CASQ2: variants seen among roughly 807,000 people sequenced by gnomAD.
CASQ2 encodes calsequestrin-2.
In CASQ2, 49 loss-of-function variants were observed where a neutral mutation model predicts 46.5. That is an observed-to-expected ratio of 1.05 (90% CI 0.84 to 1.34). The LOEUF (loss-of-function observed/expected upper bound fraction) is 1.34, where lower values mean the gene tolerates loss of function less well. CASQ2 is among the 40% of genes most tolerant of loss of function. The pLI, the probability that CASQ2 is intolerant of heterozygous loss-of-function variation, is 0.00. For missense variants in CASQ2, 486 were observed against 481.3 expected (o/e 1.01, Z -0.09); for synonymous variants, 174 against 168.5 (o/e 1.03, Z -0.25).
intron 1 of CASQ2, among the ~76,000 whole-genome samples, chr1:115,750,360 G>T (rs184635193): frequency 1.3e-5 from 2 of 152,294 alleles, no homozygotes; most frequent in Non-Finnish European, 2.9e-5. Flanking sequence ...TAGTGAATGG[G>T]GTTGTCTCTT....
At chr1:115,712,191 T>C (rs1019433673) in intron 8 of CASQ2, among the ~76,000 whole-genome samples, 6 of 152,166 alleles carry the variant, frequency 3.9e-5, no homozygotes, top group African/African-American at 1.4e-4. Context: ...TCTCACAAGA[T>C]GGAATTGCCA....
In CASQ2 at chr1:115,739,124, C is replaced by CTTTTTTTTTTTTT. The variant is rs1299140156; in HGVS notation, c.421-790_421-789insAAAAAAAAAAAAA. On this transcript the variant is annotated intron_variant, in intron 3 of 10. Transcript: ENST00000261448. ...ATGTATAGCACATTTTCTTTTCTTT[C>CTTTTTTTTTTTTT]TTTTTGAGATGGAGTCATGCTGTGT... 1.4e-4 allele frequency among the ~76,000 whole-genome samples: 14 copies of CTTTTTTTTTTTTT among 99,520 alleles called. 1 individual carries two copies. The highest frequency in any genetic ancestry group is 3.1e-4 in the Non-Finnish European group (14 of 45,218). The allele number at this position is 99,520 out of a possible 152,430, so 65.3% of individuals were successfully genotyped here. A position where few individuals can be genotyped will look rare whatever the true frequency, so the allele number is the denominator to read the frequency against.
chr1:115,725,678 G>A (rs1193519003), intron 6 of CASQ2, 125 bp from the exon 7 acceptor site: 1 of 1,281,798 alleles, frequency 7.8e-7, no homozygotes, highest in Non-Finnish European at 1.1e-6. Context: ...AAGGCAGGGA[G>A]AGCCCTAAAA....
At chr1:115,734,554 T>C (rs181640388) in intron 4 of CASQ2, among the ~76,000 whole-genome samples, 3 of 152,328 alleles carry the variant, frequency 2.0e-5, no homozygotes, top group African/African-American at 7.2e-5. Context: ...AAGCCTCCTC[T>C]TGTCTTCTGC....
intron 5 of CASQ2, among the ~76,000 whole-genome samples, chr1:115,728,759 T>C (rs1348438783): frequency 1.3e-5 from 2 of 152,170 alleles, no homozygotes; most frequent in Non-Finnish European, 2.9e-5. Context: ...ATGATGAACC[T>C]GAGGCACAAT....
At position 115,768,705 on chromosome 1, in the gene CASQ2, A is replaced by G. The variant is rs1366759898; in HGVS notation, c.-164T>C. 3.2e-6 allele frequency: 2 copies of G among 633,138 alleles called. No homozygotes were observed. The highest frequency in any genetic ancestry group is 1.8e-5 in the African/African-American group (1 of 54,702). The allele number at this position is 633,138 out of a possible 1,614,324, so 39.2% of individuals were successfully genotyped here. Reference sequence around the variant, plus strand: ...AGTGACTCTTCACCTCCTTGGGTCCAGCCAGCTCTGGAATCGTGGGCTCAG... The same window carrying G: ...AGTGACTCTTCACCTCCTTGGGTCCGGCCAGCTCTGGAATCGTGGGCTCAG... On this transcript the variant is annotated 5_prime_UTR_variant, in exon 1 of 11. Coordinates refer to ENST00000261448, the MANE Select transcript of CASQ2 (RefSeq NM_001232.4).
intron 1 of CASQ2, among the ~76,000 whole-genome samples, chr1:115,764,844 G>A (rs1202770246): frequency 6.6e-6 from 1 of 152,094 alleles, no homozygotes; most frequent in Admixed American, 6.5e-5. Context: ...TCTTCCCCTT[G>A]TCAAGCCCTG....
chr1:115,739,398 A>G (rs1295652125), intron 3 of CASQ2, among the ~76,000 whole-genome samples: 4 of 152,030 alleles, frequency 2.6e-5, no homozygotes, highest in Admixed American at 6.6e-5. Flanking sequence ...TACAGGCATG[A>G]GCCACCACGC....
chr1:115,718,275 C>A (rs1028734527), intron 7 of CASQ2, among the ~76,000 whole-genome samples: 1 of 152,180 alleles, frequency 6.6e-6, no homozygotes, highest in Non-Finnish European at 1.5e-5. Context: ...CTGAGAGCAA[C>A]AATGGCTCTG....
intron 1 of CASQ2, among the ~76,000 whole-genome samples, chr1:115,767,677 T>A (rs9428091): frequency 6.6e-6 from 1 of 151,924 alleles, no homozygotes; most frequent in Non-Finnish European, 1.5e-5. Flanking sequence ...GGCCATGTAA[T>A]GCGGATAAAA....
chr1:115,710,320 G>A (rs1051445762), intron 8 of CASQ2, among the ~76,000 whole-genome samples: 4 of 152,180 alleles, frequency 2.6e-5, no homozygotes, highest in Non-Finnish European at 4.4e-5. Context: ...AAAGAGGATG[G>A]AATTAAGACC....
chr1:115,765,087 C>A (rs1438522406), intron 1 of CASQ2, among the ~76,000 whole-genome samples: 1 of 152,170 alleles, frequency 6.6e-6, no homozygotes, highest in Non-Finnish European at 1.5e-5. Flanking sequence ...CAACTCTGGC[C>A]CTTCCTCTTT....
At chr1:115,761,464 G>A (rs57062689) in intron 1 of CASQ2, among the ~76,000 whole-genome samples, 534 of 5,494 alleles carry the variant, frequency 0.097, 72 homozygotes, top group East Asian at 0.17. Context: ...GAAGAAGAAG[G>A]AGAAGAAGAA....
intron 3 of CASQ2, 72 bp downstream of exon 3, chr1:115,740,656 T>G (rs1648143882): frequency 1.0e-6 from 1 of 1,002,694 alleles, no homozygotes; most frequent in African/African-American, 1.6e-5. Flanking sequence ...TTGTCCTTTC[T>G]TTGGGGTTCT....
intron 3 of CASQ2, among the ~76,000 whole-genome samples, chr1:115,740,377 C>T (rs1468275963): frequency 6.6e-6 from 1 of 152,196 alleles, no homozygotes; most frequent in East Asian, 1.9e-4. Flanking sequence ...CATCCCTCCT[C>T]TCTCTTCAGG....
chr1:115,705,739 G>T (rs1553192427), intron 8 of CASQ2, among the ~76,000 whole-genome samples: 1 of 152,154 alleles, frequency 6.6e-6, no homozygotes, highest in Non-Finnish European at 1.5e-5. Context: ...ACCAGGAATT[G>T]CTAAAACCTT....
intron 2 of CASQ2, among the ~76,000 whole-genome samples, chr1:115,742,009 C>A (rs1648199640): frequency 6.6e-6 from 1 of 152,032 alleles, no homozygotes; most frequent in African/African-American, 2.4e-5. Context: ...GTAGAGGCAC[C>A]ATTTGTAAAT....
chr1:115,715,031 C>G (rs1654655605), intron 8 of CASQ2, among the ~76,000 whole-genome samples: 1 of 152,264 alleles, frequency 6.6e-6, no homozygotes, highest in Non-Finnish European at 1.5e-5. Flanking sequence ...AAGAGCCAGA[C>G]AGGCTTCCCC....
chr1:115,757,367 G>A (rs945607456), intron 1 of CASQ2, among the ~76,000 whole-genome samples: 1 of 152,154 alleles, frequency 6.6e-6, no homozygotes, highest in African/African-American at 2.4e-5. Flanking sequence ...TCTATGAGAG[G>A]CTTTGTTCTC....
Sources: gnomAD v4.1 joint callset for allele counts (sites outside exome capture counted in the v4.1 genomes callset) on GRCh38, gnomAD v4.1.1 for gene constraint, MANE v1.5 for transcripts, NCBI Gene and HGNC (gene_info 2026-07-23, HGNC 2026-07-21) for gene names.